The following MRGPRX3 variants were observed in gnomAD, a reference collection of about 807,000 sequenced individuals.
The protein encoded by MRGPRX3 is mas-related G protein-coupled receptor member X3.
A neutral mutation model predicts 16.5 loss-of-function variants in MRGPRX3; 14 were observed. The observed-to-expected ratio is 0.85, with a 90% CI of 0.56 to 1.33. The LOEUF is 1.33. Ranked by LOEUF, MRGPRX3 falls within the 40% of genes most tolerant of loss-of-function variation. The probability of loss-of-function intolerance (pLI) is 0.00; values close to 1 mark genes in which losing one functional copy is unlikely to be tolerated. For synonymous variants in MRGPRX3, 199 were observed against 180.1 expected (o/e 1.10, Z -0.84); for missense variants, 449 against 413.0 (o/e 1.09, Z -0.76).
At chr11:18,130,203 C>T (rs749216925), upstream of MRGPRX3, among the ~76,000 whole-genome samples, 23 of 152,110 alleles carry the variant, frequency 1.5e-4, no homozygotes, top group Non-Finnish European at 3.2e-4. Context: ...AGAAAGAAAT[C>T]AAGGGCACCC....
chr11:18,120,987 C>T (rs868305587), exon 1 of MRGPRX3: 5 of 170,048 alleles, frequency 2.9e-5, no homozygotes, highest in Non-Finnish European at 3.6e-5. Context: ...CGTCTTTGCC[C>T]GGCCGCCATC....
At chr11:18,132,278 T>G (rs565815376), upstream of MRGPRX3, among the ~76,000 whole-genome samples, 3 of 152,332 alleles carry the variant, frequency 2.0e-5, no homozygotes, top group South Asian at 6.2e-4. Context: ...AAAAATTGTG[T>G]CAGGCCATTG....
upstream of MRGPRX3, among the ~76,000 whole-genome samples, chr11:18,131,721 T>G (rs1466278537): frequency 3.3e-5 from 5 of 151,932 alleles, no homozygotes; most frequent in Non-Finnish European, 7.4e-5. Flanking sequence ...GGAATACAAC[T>G]CAGCCATAAA....
intron 1 of MRGPRX3, among the ~76,000 whole-genome samples, chr11:18,134,091 T>G (rs577943456): frequency 6.6e-6 from 1 of 152,376 alleles, no homozygotes; most frequent in East Asian, 1.9e-4. Flanking sequence ...TCTATCAGAC[T>G]ACTTTAATGT....
intron 1 of MRGPRX3, among the ~76,000 whole-genome samples, chr11:18,124,202 C>T (rs1214477949): frequency 6.6e-6 from 1 of 152,140 alleles, no homozygotes; most frequent in East Asian, 1.9e-4. Flanking sequence ...CCTGATTGCC[C>T]TAGCCAGAAC....
chr11:18,123,107 A>G (rs1337960360), intron 1 of MRGPRX3, among the ~76,000 whole-genome samples: 2 of 152,054 alleles, frequency 1.3e-5, no homozygotes, highest in African/African-American at 2.4e-5. Context: ...AGATGAGTAG[A>G]TTGCAAAAAT....
At chr11:18,133,282 G>A (rs968011984) in intron 1 of MRGPRX3, among the ~76,000 whole-genome samples, 3 of 152,214 alleles carry the variant, frequency 2.0e-5, no homozygotes, top group Non-Finnish European at 2.9e-5. Context: ...CAGGGAAGGA[G>A]CAGTTACCAT....
chr11:18,127,936 C>G (rs1007254093), upstream of MRGPRX3, among the ~76,000 whole-genome samples: 18 of 152,206 alleles, frequency 1.2e-4, no homozygotes, highest in African/African-American at 3.9e-4. Context: ...TGGTGATATA[C>G]AGATGGGGTT....
intron 1 of MRGPRX3, 126 bp from the exon 2 acceptor site, chr11:18,137,052 G>A: frequency 1.9e-6 from 2 of 1,025,772 alleles, no homozygotes; most frequent in Non-Finnish European, 2.9e-6. Context: ...CTTTTGATAG[G>A]TGACTTATTC....
intron 1 of MRGPRX3, among the ~76,000 whole-genome samples, chr11:18,122,917 T>G (rs1259123026): frequency 1.3e-5 from 2 of 152,196 alleles, no homozygotes; most frequent in Non-Finnish European, 1.5e-5. Flanking sequence ...TGGTTTTGAT[T>G]TGCATTTCTC....
intron 1 of MRGPRX3, among the ~76,000 whole-genome samples, chr11:18,124,483 A>G (rs1180341147): frequency 6.6e-6 from 1 of 152,150 alleles, no homozygotes; most frequent in Non-Finnish European, 1.5e-5. Flanking sequence ...TATATGCTGG[A>G]TTATGTTTAT....
At position 18,137,429 on chromosome 11, in the gene MRGPRX3, T is replaced by C; in HGVS notation, c.227T>C (p.Leu76Pro). 1 of 1,614,196 alleles carries C rather than the reference T, an allele frequency of 6.2e-7. No homozygotes were observed. The highest frequency in any genetic ancestry group is 1.6e-4 in the Middle Eastern group (1 of 6,062). Residue 76 changes from leucine to proline, a missense_variant, in exon 2 of 2, where the codon CTT becomes CCT. By Grantham distance (98) the Leu-to-Pro change is moderately conservative. Coordinates refer to ENST00000621697, the MANE Select transcript of MRGPRX3 (RefSeq NM_001370464.1). ...CTGGTCGCGGCCGACTTCCTCTTCCTTAGCGGCCACATTATATGTTCGCCG... is the reference window on the plus strand; with the variant it reads ...CTGGTCGCGGCCGACTTCCTCTTCCCTAGCGGCCACATTATATGTTCGCCG... ...LNLVAADFLF[L>P]SGHIICSPLR... is the part of the protein sequence containing the mutation.
intron 1 of MRGPRX3, among the ~76,000 whole-genome samples, chr11:18,133,343 C>A (rs1848980470): frequency 6.6e-6 from 1 of 152,156 alleles, no homozygotes; most frequent in South Asian, 2.1e-4. Context: ...CATGAGCAGG[C>A]AAGTGGAGAA....
At chr11:18,126,503 T>G (rs1433366555) in intron 1 of MRGPRX3, among the ~76,000 whole-genome samples, 1 of 152,016 alleles carries the variant, frequency 6.6e-6, no homozygotes, top group East Asian at 1.9e-4. Flanking sequence ...TTTCTTTTCT[T>G]TTTTTATTAT....
At chr11:18,132,086 T>A (rs927723604), upstream of MRGPRX3, among the ~76,000 whole-genome samples, 3 of 152,280 alleles carry the variant, frequency 2.0e-5, no homozygotes, top group African/African-American at 7.2e-5. Flanking sequence ...ATGATTTAAT[T>A]TCACAGAATT....
chr11:18,131,696 A>G (rs535485525), upstream of MRGPRX3, among the ~76,000 whole-genome samples: 2 of 152,134 alleles, frequency 1.3e-5, no homozygotes, highest in South Asian at 2.1e-4. Flanking sequence ...ATAAATATAT[A>G]TATTTATATA....
At chr11:18,137,156 C>A in intron 1 of MRGPRX3, 22 bp from the exon 2 acceptor site, 1 of 1,537,006 alleles carries the variant, frequency 6.5e-7, no homozygotes, top group South Asian at 1.3e-5. Context: ...AGCTGGTGAT[C>A]ACATCTGGTT....
intron 1 of MRGPRX3, among the ~76,000 whole-genome samples, chr11:18,126,302 A>AT (rs1272146957): frequency 4.6e-5 from 7 of 152,200 alleles, no homozygotes; most frequent in African/African-American, 1.7e-4. Flanking sequence ...GGTCTTTACA[A>AT]CTGGCATGTT....
upstream of MRGPRX3, among the ~76,000 whole-genome samples, chr11:18,130,327 A>G (rs1848948622): frequency 2.6e-5 from 4 of 152,244 alleles, no homozygotes; most frequent in Admixed American, 2.6e-4. Flanking sequence ...TAAATTCAGT[A>G]AAGTTTCAGG....
Sources: gnomAD v4.1 joint callset for allele counts (sites outside exome capture counted in the v4.1 genomes callset) on GRCh38, gnomAD v4.1.1 for gene constraint, MANE v1.5 for transcripts, NCBI Gene and HGNC (gene_info 2026-07-23, HGNC 2026-07-21) for gene names.